PHACTR3: variants seen among roughly 807,000 people sequenced by gnomAD.
PHACTR3 encodes the protein phosphatase and actin regulator 3.
In PHACTR3, 16 loss-of-function variants were observed where a neutral mutation model predicts 66.8. The observed-to-expected ratio is 0.24, with a 90% CI of 0.16 to 0.36. The LOEUF (loss-of-function observed/expected upper bound fraction) is 0.36, where lower values mean the gene tolerates loss of function less well. Among genes scored for constraint, PHACTR3 ranks in the 10% least tolerant of loss-of-function variants. The pLI is 1.00. For missense variants in PHACTR3, 647 were observed against 719.9 expected, an observed-to-expected ratio of 0.90 and a Z score of 1.16; for synonymous variants, 323 against 292.1, an observed-to-expected ratio of 1.11 and a Z score of -1.08.
chr20:59,585,644 T>A (rs938573583), intron 1 of PHACTR3, among the ~76,000 whole-genome samples: 8 of 152,190 alleles, frequency 5.3e-5, no homozygotes, highest in Non-Finnish European at 2.9e-5. Context: ...ACTCCGTGCC[T>A]GGCACCTAGC....
At chr20:59,815,317 A>G (rs1004546326) in intron 8 of PHACTR3, among the ~76,000 whole-genome samples, 1 of 152,146 alleles carries the variant, frequency 6.6e-6, no homozygotes, top group Non-Finnish European at 1.5e-5. Context: ...GGAACTCATC[A>G]TACCCAGGAT....
intron 3 of PHACTR3, among the ~76,000 whole-genome samples, chr20:59,754,731 C>G (rs2039722637): frequency 6.6e-6 from 1 of 152,228 alleles, no homozygotes; most frequent in South Asian, 2.1e-4. Flanking sequence ...CTGGGCATGT[C>G]TTCAGGACAA....
chr20:59,623,082 A>G (rs939820629), intron 1 of PHACTR3, among the ~76,000 whole-genome samples: 2 of 151,350 alleles, frequency 1.3e-5, no homozygotes, highest in African/African-American at 4.9e-5. Context: ...CCCCTTGGAA[A>G]TATAGGCAGG....
chr20:59,584,225 C>T (rs547217907), intron 1 of PHACTR3, among the ~76,000 whole-genome samples: 55 of 152,076 alleles, frequency 3.6e-4, no homozygotes, highest in African/African-American at 7.2e-4. Context: ...TACATGAGTG[C>T]GTGTGCCTGT....
chr20:59,718,050 TG>T lies in PHACTR3; in HGVS notation c.119-25053del, dbSNP rs2038159143. On this transcript the variant is annotated intron_variant, in intron 1 of 12. Coordinates refer to ENST00000371015, the MANE Select transcript of PHACTR3 (RefSeq NM_080672.5). Reference sequence around the variant, plus strand: ...TCACATATTCTTAGAAGCTAGGGGCTGGGGAAACCCAGAAGTTAGGTGGTCA... The same window carrying T: ...TCACATATTCTTAGAAGCTAGGGGCTGGGAAACCCAGAAGTTAGGTGGTCA... Among the ~76,000 whole-genome samples, 3 of 152,356 alleles carry T rather than the reference TG, an allele frequency of 2.0e-5. No individual in the cohort carries two copies. The South Asian group carries it at 6.2e-4, about 32-fold the overall frequency.
At chr20:59,811,190 C>G (rs1196028805) in intron 8 of PHACTR3, among the ~76,000 whole-genome samples, 3 of 152,228 alleles carry the variant, frequency 2.0e-5, no homozygotes, top group African/African-American at 7.2e-5. Context: ...TGTTAGAGCC[C>G]TAGCCCTGGG....
At chr20:59,659,671 G>A (rs544958810) in intron 1 of PHACTR3, among the ~76,000 whole-genome samples, 23 of 152,070 alleles carry the variant, frequency 1.5e-4, no homozygotes, top group Admixed American at 1.2e-3. Flanking sequence ...GCAACTGGCC[G>A]GGTCTGGAGC....
intron 8 of PHACTR3, among the ~76,000 whole-genome samples, chr20:59,834,017 A>G (rs942254212): frequency 5.9e-5 from 9 of 152,240 alleles, no homozygotes; most frequent in Middle Eastern, 3.4e-3. Context: ...TCTCAGAACA[A>G]TTCTTCTCCC....
At chr20:59,678,467 C>T (rs565058294) in intron 1 of PHACTR3, among the ~76,000 whole-genome samples, 1 of 152,266 alleles carries the variant, frequency 6.6e-6, no homozygotes, top group South Asian at 2.1e-4. Flanking sequence ...CTGTCTAGGG[C>T]CTCTTAGGAC....
At chr20:59,701,898 A>G (rs2146613143) in intron 1 of PHACTR3, among the ~76,000 whole-genome samples, 2 of 152,308 alleles carry the variant, frequency 1.3e-5, no homozygotes, top group South Asian at 4.2e-4. Flanking sequence ...GCAACCACAG[A>G]TCTTTTGGTT....
At chr20:59,790,378 G>A (rs2041053559) in intron 7 of PHACTR3, among the ~76,000 whole-genome samples, 1 of 152,184 alleles carries the variant, frequency 6.6e-6, no homozygotes, top group African/African-American at 2.4e-5. Context: ...AAGAGCTCCT[G>A]CCAAAACCTA....
chr20:59,601,710 AC>A (rs2033483756), upstream of PHACTR3, among the ~76,000 whole-genome samples: 2 of 152,236 alleles, frequency 1.3e-5, no homozygotes, highest in South Asian at 4.1e-4. Flanking sequence ...GGGATTGCTA[AC>A]TTTTTTTAAA....
chr20:59,763,469 G>A (rs77978809), intron 4 of PHACTR3, among the ~76,000 whole-genome samples: 35 of 152,318 alleles, frequency 2.3e-4, no homozygotes, highest in Middle Eastern at 3.4e-3. Flanking sequence ...AATAACATTT[G>A]CAAGATGGGT....
intron 1 of PHACTR3, among the ~76,000 whole-genome samples, chr20:59,646,112 G>T (rs2035274270): frequency 6.6e-6 from 1 of 152,216 alleles, no homozygotes; most frequent in African/African-American, 2.4e-5. Context: ...TCAGCCTCCA[G>T]CCAGTCCCTG....
rs1190434160 is a variant in PHACTR3 at position 59,577,547 on chromosome 20, G to C, written c.39G>C (p.Ala13=). 2.5e-6 allele frequency: 3 copies of C among 1,185,510 alleles called. No homozygotes were observed. In the African/African-American group the frequency reaches 4.8e-5, roughly 19 times the overall value. The allele number at this position is 1,185,510 out of a possible 1,614,324, so 73.4% of individuals were successfully genotyped here. The change falls in exon 1 of 13, where the codon GCG becomes GCC. Residue 13 remains alanine (A), a synonymous_variant. Transcript: ENST00000359926. ...GCGGGGGGCGCGCCCGCTGTCCTGC[G>C]CCCCTGCGCTCGCTGCTGGGCGCCT...
intron 1 of PHACTR3, among the ~76,000 whole-genome samples, chr20:59,599,062 C>G (rs529620649): frequency 2.0e-5 from 3 of 152,272 alleles, no homozygotes; most frequent in Non-Finnish European, 2.9e-5. Context: ...TCCCTGGAGC[C>G]CCAGAGAAGA....
chr20:59,839,201 A>G (rs887884732), intron 9 of PHACTR3, among the ~76,000 whole-genome samples: 5 of 152,178 alleles, frequency 3.3e-5, no homozygotes, highest in Admixed American at 3.3e-4. Flanking sequence ...CTCTAATTGT[A>G]TCAGCTTTCT....
At chr20:59,671,980 T>C (rs1033617691) in intron 1 of PHACTR3, among the ~76,000 whole-genome samples, 6 of 152,256 alleles carry the variant, frequency 3.9e-5, no homozygotes, top group Non-Finnish European at 8.8e-5. Context: ...TCCTCCTTTA[T>C]TCTGAAATGT....
chr20:59,789,481 C>CTG (rs11472957), intron 7 of PHACTR3, among the ~76,000 whole-genome samples: 148,437 of 152,274 alleles, frequency 0.97, 72,378 homozygotes, highest in East Asian at 1. Flanking sequence ...ATGCAACAGA[C>CTG]TTGAAATCCC....
Sources: gnomAD v4.1 joint callset for allele counts (sites outside exome capture counted in the v4.1 genomes callset) on GRCh38, gnomAD v4.1.1 for gene constraint, MANE v1.5 for transcripts, NCBI Gene and HGNC (gene_info 2026-07-23, HGNC 2026-07-21) for gene names.